Variants in SLC39A12 observed in about 807,000 individuals in gnomAD.
SLC39A12 encodes solute carrier family 39 member 12.
SLC39A12 carries 63 observed loss-of-function variants against 71.1 expected under a neutral mutation model. The observed-to-expected ratio is 0.89, with a 90% CI of 0.72 to 1.09. The LOEUF (loss-of-function observed/expected upper bound fraction) is 1.09, where lower values mean the gene tolerates loss of function less well. Among genes scored for constraint, SLC39A12 ranks in the 50% least tolerant of loss-of-function variants. The pLI is 0.00. For synonymous variants in SLC39A12, 351 were observed against 301.3 expected, an observed-to-expected ratio of 1.16 and a Z score of -1.71; for missense variants, 892 against 812.6, an observed-to-expected ratio of 1.10 and a Z score of -1.19.
intron 12 of SLC39A12, among the ~76,000 whole-genome samples, chr10:18,027,890 T>G (rs577074543): frequency 6.6e-6 from 1 of 152,348 alleles, no homozygotes; most frequent in South Asian, 2.1e-4. Context: ...AACTAAGCCA[T>G]TTACAAATGG....
At chr10:18,036,194 C>A (rs1016675547) in intron 12 of SLC39A12, among the ~76,000 whole-genome samples, 1 of 152,250 alleles carries the variant, frequency 6.6e-6, no homozygotes, top group Non-Finnish European at 1.5e-5. Flanking sequence ...AGCTTCAGGG[C>A]TGCTTTGTTT....
At position 17,963,102 on chromosome 10, in the gene SLC39A12, A is replaced by G. The variant is rs935398144; in HGVS notation, c.543+1240A>G. Among the ~76,000 whole-genome samples, 34 of 152,268 alleles carry G rather than the reference A, an allele frequency of 2.2e-4. 1 individual carries two copies. Among genetic ancestry groups the G allele is most frequent in the Admixed American group, 7.2e-4 (11 of 15,288 alleles). ...CTTGTGCCCAGGAGTTTGAGGTTAC[A>G]GTGAACTATGACTGTGTCACTATAC... On this transcript the variant is annotated intron_variant, in intron 3 of 12. Transcript: ENST00000377369.
chr10:18,014,796 C>T (rs909078120), intron 12 of SLC39A12, among the ~76,000 whole-genome samples: 1 of 152,128 alleles, frequency 6.6e-6, no homozygotes, highest in Admixed American at 6.5e-5. Context: ...TAGTGAATGC[C>T]AGGTACAAAC....
chr10:18,043,227 G>A lies in SLC39A12; in HGVS notation c.*394G>A, dbSNP rs1837308577. ...TTTTGATGTTAATTTTTTTCCCTGTGCAATTATAAACTATAAGCAAGTTAA... is the reference window on the plus strand; with the variant it reads ...TTTTGATGTTAATTTTTTTCCCTGTACAATTATAAACTATAAGCAAGTTAA... On this transcript the variant is annotated 3_prime_UTR_variant, in exon 13 of 13. Transcript: ENST00000377369. 1 of 154,078 alleles carries A rather than the reference G, an allele frequency of 6.5e-6. No individual in the cohort carries two copies. Among genetic ancestry groups the A allele is most frequent in the Admixed American group, 6.5e-5 (1 of 15,344 alleles). The allele number at this position is 154,078 out of a possible 1,614,324, so 9.5% of individuals were successfully genotyped here.
intron 2 of SLC39A12, among the ~76,000 whole-genome samples, chr10:17,958,381 A>G (rs1834603030): frequency 6.6e-6 from 1 of 152,114 alleles, no homozygotes; most frequent in Admixed American, 6.5e-5. Flanking sequence ...AAAGTATAAC[A>G]TAAACTCATT....
At position 17,995,691 on chromosome 10, in the gene SLC39A12, T is replaced by C. The variant is rs1050401242; in HGVS notation, c.1569T>C (p.Pro523=). 1 of 1,613,548 alleles carries C rather than the reference T, an allele frequency of 6.2e-7. No individual in the cohort carries two copies. Among genetic ancestry groups the C allele is most frequent in the South Asian group, 1.1e-5 (1 of 90,874 alleles). The part of the protein sequence containing the change: ...SPEDSQAAEM[P]IGSMTASNRK... Reference sequence around the variant, plus strand: ...AAGATTCACAGGCAGCTGAAATGCCTATAGGCAGTATGACAGCCTCCAACA... The same window carrying C: ...AAGATTCACAGGCAGCTGAAATGCCCATAGGCAGTATGACAGCCTCCAACA... Residue 523 remains proline, a synonymous_variant, in exon 10 of 13, where the codon CCT becomes CCC. Coordinates refer to ENST00000377369, the MANE Select transcript of SLC39A12 (RefSeq NM_001145195.2).
chr10:18,024,897 G>A (rs1268249130), intron 12 of SLC39A12, among the ~76,000 whole-genome samples: 2 of 152,060 alleles, frequency 1.3e-5, no homozygotes, highest in Admixed American at 6.6e-5. Flanking sequence ...TCTGAATTCT[G>A]CTCAGTCTGA....
At chr10:17,981,520 A>G in intron 6 of SLC39A12, 37 bp downstream of exon 6, 1 of 1,536,018 alleles carries the variant, frequency 6.5e-7, no homozygotes, top group Admixed American at 1.8e-5. Flanking sequence ...GCTGATGTGC[A>G]CAATGTATGC....
chr10:17,968,082 C>T (rs963577961), intron 4 of SLC39A12, among the ~76,000 whole-genome samples: 4 of 151,100 alleles, frequency 2.6e-5, no homozygotes, highest in African/African-American at 7.3e-5. Context: ...CATATGTATA[C>T]ATGTGTGTTT....
At chr10:17,962,615 A>AT (rs1191214129) in intron 3 of SLC39A12, among the ~76,000 whole-genome samples, 71 of 150,238 alleles carry the variant, frequency 4.7e-4, no homozygotes, top group African/African-American at 7.6e-4. Flanking sequence ...TGGGGAAATC[A>AT]TTTTTTTTTG....
intron 12 of SLC39A12, among the ~76,000 whole-genome samples, chr10:18,008,939 T>G (rs1231191044): frequency 6.6e-6 from 1 of 152,182 alleles, no homozygotes; most frequent in African/African-American, 2.4e-5. Context: ...CCAGCTTCTC[T>G]AAAGTTTATA....
intron 2 of SLC39A12, among the ~76,000 whole-genome samples, chr10:17,958,233 A>T (rs4748429): frequency 6.6e-6 from 1 of 151,922 alleles, no homozygotes; most frequent in African/African-American, 2.4e-5. Context: ...GGGTTGAAAT[A>T]TGGTCACATG....
At chr10:17,956,258 T>C (rs182468283) in intron 2 of SLC39A12, among the ~76,000 whole-genome samples, 1 of 152,226 alleles carries the variant, frequency 6.6e-6, no homozygotes, top group Non-Finnish European at 1.5e-5. Context: ...AGATGTATTA[T>C]GTCCCAGGAA....
At chr10:18,025,230 A>T (rs1836643226) in intron 12 of SLC39A12, among the ~76,000 whole-genome samples, 3 of 56,460 alleles carry the variant, frequency 5.3e-5, no homozygotes, top group Non-Finnish European at 7.1e-5. Context: ...TTCTCTTTTT[A>T]TTTTTATTTT....
intron 6 of SLC39A12, among the ~76,000 whole-genome samples, chr10:17,984,596 G>A (rs192774811): frequency 6.6e-6 from 1 of 152,214 alleles, no homozygotes; most frequent in Non-Finnish European, 1.5e-5. Flanking sequence ...GGAAAGAATG[G>A]GATATGAAAC....
intron 12 of SLC39A12, among the ~76,000 whole-genome samples, chr10:18,029,367 C>T (rs117427570): frequency 0.021 from 3,209 of 152,252 alleles, 49 homozygotes; most frequent in South Asian, 0.043. Flanking sequence ...AAGAACTCAA[C>T]AACGGCAGGC....
chr10:17,970,287 A>G (rs1343170273), intron 4 of SLC39A12, among the ~76,000 whole-genome samples: 1 of 152,130 alleles, frequency 6.6e-6, no homozygotes, highest in Non-Finnish European at 1.5e-5. Flanking sequence ...GTGATTCCAT[A>G]TAAATTTTAG....
intron 12 of SLC39A12, among the ~76,000 whole-genome samples, chr10:18,011,859 C>T (rs1207331593): frequency 6.6e-6 from 1 of 152,162 alleles, no homozygotes. Context: ...GAAGATCCCA[C>T]TGGGAAGTGA....
intron 9 of SLC39A12, 75 bp downstream of exon 9, chr10:17,993,366 T>G: frequency 2.0e-6 from 2 of 1,016,090 alleles, no homozygotes; most frequent in Admixed American, 2.3e-5. Context: ...CAAATGAAAA[T>G]CAGTAGGGTA....
Sources: gnomAD v4.1 joint callset for allele counts (sites outside exome capture counted in the v4.1 genomes callset) on GRCh38, gnomAD v4.1.1 for gene constraint, MANE v1.5 for transcripts, NCBI Gene and HGNC (gene_info 2026-07-23, HGNC 2026-07-21) for gene names.